Variants in ABI1 observed in about 807,000 individuals in gnomAD.
ABI1 encodes the protein abl interactor 1.
In ABI1, 14 loss-of-function variants were observed where a neutral mutation model predicts 54.6. The observed-to-expected ratio is 0.26, with a 90% CI of 0.17 to 0.40. The LOEUF is 0.40. Ranked by LOEUF, ABI1 falls within the 10% of genes least tolerant of loss-of-function variation. The pLI is 1.00. For synonymous variants in ABI1, 194 were observed against 209.3 expected, an observed-to-expected ratio of 0.93 and a Z score of 0.63; for missense variants, 443 against 598.3, an observed-to-expected ratio of 0.74 and a Z score of 2.71.
Position 26,857,991 on chromosome 10 carries a change from T to G in ABI1, c.117+2756A>C, listed in dbSNP as rs112765294. ...TAATAAACTGCCGCAAGAACTTAAA[T>G]GCACCACAGCCAAAAGAGTTTCTCA... On this transcript the variant is annotated intron_variant, in intron 1 of 10. Transcript: ENST00000376140. 2.6e-3 allele frequency among the ~76,000 whole-genome samples: 399 copies of G among 152,270 alleles called. 1 individual carries two copies. The highest frequency in any genetic ancestry group is 9.3e-3 in the African/African-American group (388 of 41,540).
intron 2 of ABI1, among the ~76,000 whole-genome samples, chr10:26,800,014 A>C (rs1261723782): frequency 6.6e-6 from 1 of 151,944 alleles, no homozygotes; most frequent in Non-Finnish European, 1.5e-5. Flanking sequence ...TAAAAAAAAA[A>C]AAAAAAAAAA....
chr10:26,801,004 C>T (rs1174483657), intron 2 of ABI1, among the ~76,000 whole-genome samples: 7 of 152,002 alleles, frequency 4.6e-5, no homozygotes, highest in Non-Finnish European at 8.8e-5. Flanking sequence ...AAAACTCCAT[C>T]TCAAAAAACA....
chr10:26,807,549 G>A (rs1241214224), intron 2 of ABI1, among the ~76,000 whole-genome samples: 1 of 152,192 alleles, frequency 6.6e-6, no homozygotes, highest in East Asian at 1.9e-4. Context: ...AAGATGGGCA[G>A]CAGCTGAAAT....
intron 1 of ABI1, among the ~76,000 whole-genome samples, chr10:26,828,750 A>G (rs1307199330): frequency 6.6e-6 from 1 of 152,226 alleles, no homozygotes; most frequent in Non-Finnish European, 1.5e-5. Flanking sequence ...AATTGTTTTT[A>G]GTCTCTTTAT....
rs1837036315 is a variant in ABI1 at position 26,747,152 on chromosome 10, A to AGTC, written c.*1415_*1417dup. ...TCTTACCATTCACTATGCTGTTATA[A>AGTC]GTCTGTAGCATCCAGTACATAACTG... On this transcript the variant is annotated 3_prime_UTR_variant, in exon 11 of 11. Coordinates refer to ENST00000376140, the MANE Select transcript of ABI1 (RefSeq NM_001012750.3). The AGTC allele has an allele frequency of 4.4e-6, 1 of 226,884 alleles. No individual in the cohort carries two copies. The highest frequency in any genetic ancestry group is 2.2e-5 in the African/African-American group (1 of 44,840). 14.1% of individuals were successfully genotyped at this position (226,884 alleles called of 1,614,324 possible).
chr10:26,838,990 T>C (rs565361362), intron 1 of ABI1, among the ~76,000 whole-genome samples: 8 of 152,216 alleles, frequency 5.3e-5, no homozygotes, highest in Non-Finnish European at 1.2e-4. Context: ...CTACTCTGCA[T>C]ACCGCATGAA....
chr10:26,748,674 C>T lies in ABI1; in HGVS notation c.1342G>A (p.Val448Ile), dbSNP rs746338683. 6.2e-7 allele frequency: 1 copy of T among 1,613,290 alleles called. No individual in the cohort carries two copies. Among genetic ancestry groups the T allele is most frequent in the Non-Finnish European group, 8.5e-7 (1 of 1,179,548 alleles). The change falls in exon 11 of 11, where the codon GTT (valine) becomes ATT (isoleucine). Residue 448 changes from valine (V) to isoleucine (I), a missense_variant. Val to Ile is a conservative substitution (Grantham distance 29, BLOSUM62 3). Around this residue, in one of 2 missense-constraint regions of ABI1, gnomAD observed 49 missense variants for 113.5 expected, o/e 0.43. Coordinates refer to ENST00000376140, the MANE Select transcript of ABI1 (RefSeq NM_001012750.3). ...CAGCCATCATCATTCTTCTTTATAACATAAATGATTGCACCCTCCATAAAT... is the reference window on the plus strand; with the variant it reads ...CAGCCATCATCATTCTTCTTTATAATATAAATGATTGCACCCTCCATAAAT... ...LSFMEGAIIY[V>I]IKKNDDGWYE... is the part of the protein sequence containing the mutation.
At chr10:26,771,110 G>C (rs1279423291) in intron 3 of ABI1, 21 bp from the exon 4 acceptor site, 10 of 1,613,282 alleles carry the variant, frequency 6.2e-6, no homozygotes, top group African/African-American at 1.3e-5. Context: ...GCAAAAAAAG[G>C]GGGGGAAAAA....
At chr10:26,773,838 T>C (rs1356159917) in intron 3 of ABI1, among the ~76,000 whole-genome samples, 1 of 152,242 alleles carries the variant, frequency 6.6e-6, no homozygotes. Flanking sequence ...ACCTGCTTCA[T>C]GTCTCCTGTG....
chr10:26,820,090 A>G (rs888225253), intron 2 of ABI1, among the ~76,000 whole-genome samples: 9 of 152,204 alleles, frequency 5.9e-5, no homozygotes, highest in African/African-American at 9.7e-5. Context: ...TGCAGGATGA[A>G]TAAGTTCTGG....
chr10:26,841,687 G>A (rs1202596650), intron 1 of ABI1, among the ~76,000 whole-genome samples: 7 of 151,254 alleles, frequency 4.6e-5, no homozygotes, highest in African/African-American at 1.7e-4. Context: ...ATGAGATCAT[G>A]CAATATTTGT....
chr10:26,786,513 C>T (rs1334637942), intron 2 of ABI1, among the ~76,000 whole-genome samples: 3 of 152,082 alleles, frequency 2.0e-5, no homozygotes, highest in African/African-American at 7.2e-5. Flanking sequence ...AGCCACCATG[C>T]CCCGCCTCTC....
intron 1 of ABI1, among the ~76,000 whole-genome samples, chr10:26,832,667 C>T (rs2048763684): frequency 6.6e-6 from 1 of 152,108 alleles, no homozygotes; most frequent in South Asian, 2.1e-4. Flanking sequence ...GGTTTTAATA[C>T]CTGTTGCAGG....
rs138691231 is a variant in ABI1 at position 26,772,367 on chromosome 10, T to C, written c.463-1278A>G. On this transcript the variant is annotated intron_variant, in intron 3 of 10. Coordinates refer to ENST00000376140, the MANE Select transcript of ABI1 (RefSeq NM_001012750.3). ...ACATAGCAATGTATATCTTATAATG[T>C]ATATACATAATACTAAATACTATCC... 1.0e-2 allele frequency among the ~76,000 whole-genome samples: 1,522 copies of C among 152,204 alleles called. 22 individuals carry two copies. The highest frequency in any genetic ancestry group is 0.033 in the African/African-American group (1,374 of 41,520).
chr10:26,839,811 C>A (rs1486303401), intron 1 of ABI1: 2 of 699,836 alleles, frequency 2.9e-6, no homozygotes, highest in African/African-American at 1.8e-5. Context: ...ATAAATAAAT[C>A]TTTAAAGTTT....
intron 1 of ABI1, among the ~76,000 whole-genome samples, chr10:26,835,088 CAAAAAAAAA>C (rs201431383): frequency 3.1e-5 from 1 of 32,140 alleles, no homozygotes; most frequent in African/African-American, 1.4e-4. Flanking sequence ...GATTCTACCT[CAAAAAAAAA>C]AAAAAAAAAA....
intron 2 of ABI1, among the ~76,000 whole-genome samples, chr10:26,797,320 T>G (rs202180275): frequency 6.6e-6 from 1 of 152,174 alleles, no homozygotes; most frequent in African/African-American, 2.4e-5. Context: ...TAAGAATGAA[T>G]TAATTCATAG....
chr10:26,804,895 C>T (rs969634511), intron 2 of ABI1, among the ~76,000 whole-genome samples: 2 of 152,116 alleles, frequency 1.3e-5, no homozygotes, highest in Admixed American at 6.5e-5. Flanking sequence ...AAACATGGTC[C>T]TTATCTTTAA....
intron 1 of ABI1, among the ~76,000 whole-genome samples, chr10:26,830,193 T>C (rs11015321): frequency 0.062 from 9,381 of 152,298 alleles, 430 homozygotes; most frequent in East Asian, 0.19. Flanking sequence ...GACATTTGGG[T>C]TGTTTCCAGT....
Sources: allele counts gnomAD v4.1 joint callset (sites outside exome capture counted in the v4.1 genomes callset), GRCh38; gene constraint gnomAD v4.1.1; regional missense constraint gnomAD v4.1.1; transcripts MANE v1.5; gene names NCBI Gene and HGNC (gene_info 2026-07-23, HGNC 2026-07-21).